EFCAB5: variants seen among roughly 807,000 people sequenced by gnomAD.
EFCAB5 encodes the protein EF-hand calcium binding domain 5.
EFCAB5 carries 131 observed loss-of-function variants against 167.9 expected under a neutral mutation model. That is an observed-to-expected ratio of 0.78 (90% CI 0.68 to 0.90). EFCAB5 has a LOEUF of 0.90. Among genes scored for constraint, EFCAB5 ranks in the 40% least tolerant of loss-of-function variants. The pLI, the probability that EFCAB5 is intolerant of heterozygous loss-of-function variation, is 0.00. For missense variants in EFCAB5, 1,663 were observed against 1,745.2 expected, an observed-to-expected ratio of 0.95 and a Z score of 0.84; for synonymous variants, 574 against 602.8, an observed-to-expected ratio of 0.95 and a Z score of 0.70.
chr17:30,030,683 A>G (rs1053341095), intron 7 of EFCAB5, among the ~76,000 whole-genome samples: 5 of 150,114 alleles, frequency 3.3e-5, no homozygotes, highest in African/African-American at 1.2e-4. Context: ...TTTTTTTTGA[A>G]ACAGGGTCCC....
intron 3 of EFCAB5, among the ~76,000 whole-genome samples, chr17:29,960,440 T>C (rs1011284420): frequency 6.6e-6 from 1 of 152,166 alleles, no homozygotes; most frequent in African/African-American, 2.4e-5. Context: ...TTTTTTGAAA[T>C]ATTTTATTTT....
chr17:30,105,304 T>C (rs2071434606), intron 22 of EFCAB5, among the ~76,000 whole-genome samples: 1 of 151,906 alleles, frequency 6.6e-6, no homozygotes, highest in Non-Finnish European at 1.5e-5. Context: ...CTGGCCAACA[T>C]GATGAAACCC....
intron 17 of EFCAB5, 119 bp from the exon 18 acceptor site, chr17:30,082,761 CTGAATAATTTG>C: frequency 1.0e-6 from 1 of 999,838 alleles, no homozygotes; most frequent in South Asian, 2.1e-5. Context: ...TTGAGGACTG[CTGAATAATTTG>C]TAGGAAGTAG....
intron 7 of EFCAB5, among the ~76,000 whole-genome samples, chr17:30,026,565 A>T (rs543583129): frequency 4.0e-4 from 61 of 152,322 alleles, no homozygotes; most frequent in African/African-American, 1.5e-3. Flanking sequence ...TAAAAATTTA[A>T]TTAACTTTTT....
chr17:30,054,302 G>C (rs1371660358), intron 10 of EFCAB5, among the ~76,000 whole-genome samples, 154 bp downstream of exon 10: 1 of 152,006 alleles, frequency 6.6e-6, no homozygotes, highest in Admixed American at 6.6e-5. Flanking sequence ...CATTAGTCTA[G>C]ACCTTGAACA....
intron 3 of EFCAB5, among the ~76,000 whole-genome samples, chr17:29,952,634 A>C (rs1186592197): frequency 1.3e-5 from 2 of 152,148 alleles, no homozygotes; most frequent in African/African-American, 4.8e-5. Flanking sequence ...ACTAAGTATA[A>C]AAAAGACTGT....
chr17:30,051,389 C>T (rs1159660582), intron 9 of EFCAB5, among the ~76,000 whole-genome samples, 172 bp downstream of exon 9: 4 of 152,188 alleles, frequency 2.6e-5, no homozygotes, highest in South Asian at 2.1e-4. Flanking sequence ...ATTCCCTCCA[C>T]GAAATTCACT....
chr17:29,969,380 A>T lies in EFCAB5; in HGVS notation c.767+13A>T. 6.5e-7 allele frequency: 1 copy of T among 1,543,042 alleles called. No homozygotes were observed. Among genetic ancestry groups the T allele is most frequent in the South Asian group, 1.3e-5 (1 of 77,934 alleles). On this transcript the variant is annotated intron_variant, in intron 4 of 22. Coordinates refer to ENST00000394835, the MANE Select transcript of EFCAB5 (RefSeq NM_198529.4). ...CTATCTGCAACAGGTACAATCTGTT[A>T]TAGTTTCAGTTCATGATCTGTCTCC...
chr17:30,056,679 T>C (rs778011381), intron 12 of EFCAB5, among the ~76,000 whole-genome samples: 21 of 152,226 alleles, frequency 1.4e-4, no homozygotes, highest in Non-Finnish European at 2.4e-4. Flanking sequence ...CATATTTCAC[T>C]AAAATGCTAC....
intron 8 of EFCAB5, 58 bp from the exon 9 acceptor site, chr17:30,051,060 T>G (rs2070078652): frequency 6.7e-7 from 1 of 1,490,312 alleles, no homozygotes; most frequent in Non-Finnish European, 9.3e-7. Context: ...ACGTTCCAAC[T>G]GCATAAAAAT....
At chr17:30,069,874 TG>T (rs2070686148) in intron 14 of EFCAB5, among the ~76,000 whole-genome samples, 2 of 152,112 alleles carry the variant, frequency 1.3e-5, no homozygotes, top group Admixed American at 1.3e-4. Context: ...TGCACACCAA[TG>T]GGAAGTGGCC....
In EFCAB5 at chr17:30,036,986, C is replaced by T. The variant is rs115725730; in HGVS notation, c.1200+2601C>T. Among the ~76,000 whole-genome samples the T allele has an allele frequency of 7.1e-3, 1,083 of 152,222 alleles. 14 individuals carry two copies. The highest frequency in any genetic ancestry group is 0.022 in the African/African-American group (929 of 41,518). ...TAGCACCTGATCTCCCATTCCTGAG[C>T]TCCAATCATGGTTGGAGATTGAGGG... On this transcript the variant is annotated intron_variant, in intron 8 of 22. Transcript: ENST00000394835.
In EFCAB5 at chr17:30,051,203, G is replaced by A. The variant is rs148490262; in HGVS notation, c.1286G>A (p.Arg429Gln). 6.3e-3 allele frequency: 10,248 copies of A among 1,613,904 alleles called. 38 individuals carry two copies. Among genetic ancestry groups the A allele is most frequent in the Middle Eastern group, 8.4e-3 (51 of 6,062 alleles). The change falls in exon 9 of 23, where the codon CGA becomes CAA. Residue 429 changes from arginine (R) to glutamine (Q), a missense_variant. By Grantham distance (43) the Arg-to-Gln change is conservative. Transcript: ENST00000394835. ...HSSQMLRSLL[R>Q]NPRQWPFIEF... Reference sequence around the variant, plus strand: ...TCACAAATGCTTAGGAGTTTACTTCGAAACCCACGACAATGTAAGTGCCGC... The same window carrying A: ...TCACAAATGCTTAGGAGTTTACTTCAAAACCCACGACAATGTAAGTGCCGC...
chr17:30,075,889 G>T (rs1806056204), intron 14 of EFCAB5, among the ~76,000 whole-genome samples: 1 of 152,188 alleles, frequency 6.6e-6, no homozygotes, highest in African/African-American at 2.4e-5. Context: ...GCAAAAGAAT[G>T]AAAGGGGAAA....
chr17:30,083,811 A>G (rs909943544), intron 18 of EFCAB5, among the ~76,000 whole-genome samples: 1 of 152,184 alleles, frequency 6.6e-6, no homozygotes, highest in Non-Finnish European at 1.5e-5. Context: ...TGTGGAGTTC[A>G]CAGTAATGGG....
intron 8 of EFCAB5, among the ~76,000 whole-genome samples, chr17:30,038,632 T>C (rs60304310): frequency 0.017 from 2,608 of 152,312 alleles, 77 homozygotes; most frequent in African/African-American, 0.058. Flanking sequence ...CTTCCATAGA[T>C]AGTGATTCCT....
At chr17:30,006,111 G>A (rs1351639861) in intron 7 of EFCAB5, among the ~76,000 whole-genome samples, 3 of 152,120 alleles carry the variant, frequency 2.0e-5, no homozygotes, top group Non-Finnish European at 2.9e-5. Flanking sequence ...ACTGTAATCC[G>A]ACTGCCTTAG....
intron 3 of EFCAB5, among the ~76,000 whole-genome samples, chr17:29,945,480 G>A (rs1030168178): frequency 6.6e-6 from 1 of 152,078 alleles, no homozygotes; most frequent in Non-Finnish European, 1.5e-5. Flanking sequence ...GGGAGGCTGA[G>A]ATGGGAGGAT....
At chr17:29,985,862 A>G (rs1000835997) in intron 4 of EFCAB5, among the ~76,000 whole-genome samples, 7 of 152,096 alleles carry the variant, frequency 4.6e-5, no homozygotes, top group African/African-American at 1.7e-4. Flanking sequence ...GGGTCAGTTT[A>G]TGGCCAGATT....
Sources: allele counts gnomAD v4.1 joint callset (sites outside exome capture counted in the v4.1 genomes callset), GRCh38; gene constraint gnomAD v4.1.1; transcripts MANE v1.5; gene names NCBI Gene and HGNC (gene_info 2026-07-23, HGNC 2026-07-21).